The following IL5RA variants were observed in gnomAD, a reference collection of about 807,000 sequenced individuals.
IL5RA encodes the protein interleukin 5 receptor subunit alpha.
In IL5RA, 49 loss-of-function variants were observed where a neutral mutation model predicts 50.0. The ratio of observed to expected loss-of-function variants is 0.98; its 90% confidence interval spans 0.78 to 1.24. The LOEUF (loss-of-function observed/expected upper bound fraction) is 1.24. Ranked by LOEUF, IL5RA falls within the 50% of genes most tolerant of loss-of-function variation. IL5RA has a pLI of 0.00. For synonymous variants in IL5RA, 202 were observed against 174.0 expected (o/e 1.16, Z -1.26); for missense variants, 600 against 500.4 (o/e 1.20, Z -1.90).
rs536054106 is a variant in IL5RA, at chr3:3,076,067, C to T, written c.1091+464G>A. Reference sequence around the variant, plus strand: ...AGATCCACATGCGATTTCTAGAATCCGTGTTTGACCTAATAACCATCAGCC... The same window carrying T: ...AGATCCACATGCGATTTCTAGAATCTGTGTTTGACCTAATAACCATCAGCC... On this transcript the variant is annotated intron_variant, in intron 10 of 11. Coordinates refer to ENST00000446632, the MANE Select transcript of IL5RA (RefSeq NM_175726.4). 2.8e-4 allele frequency among the ~76,000 whole-genome samples: 43 copies of T among 152,192 alleles called. 2 individuals are homozygous for T. In the South Asian group the frequency reaches 8.7e-3, roughly 31 times the overall value.
At position 3,105,628 on chromosome 3, in the gene IL5RA, C is replaced by CT. The variant is rs576898796; in HGVS notation, c.-3-642_-3-641insA. 63 of 139,878 alleles carry CT rather than the reference C, an allele frequency of 4.5e-4. 1 individual carries two copies. Among genetic ancestry groups the CT allele is most frequent in the African/African-American group, 1.6e-3 (61 of 37,330 alleles). The allele number at this position is 139,878 out of a possible 1,614,324, so 8.7% of individuals were successfully genotyped here. ...TTGTTTGTTGATTTGTTTTGTTCCC[C>CT]CCCCCACCCCGCAAAGGGAGCGGAT... On this transcript the variant is annotated intron_variant, in intron 2 of 11. Coordinates refer to ENST00000446632, the MANE Select transcript of IL5RA (RefSeq NM_175726.4).
intron 5 of IL5RA, among the ~76,000 whole-genome samples, chr3:3,099,949 C>T (rs765840703): frequency 3.3e-5 from 5 of 152,154 alleles, no homozygotes; most frequent in Non-Finnish European, 2.9e-5. Context: ...GGATTACAGG[C>T]GTGAGCGACC....
In IL5RA at chr3:3,069,868, G is replaced by T. The variant is rs1702239431; in HGVS notation, c.*357C>A. 5.5e-6 allele frequency: 1 copy of T among 181,604 alleles called. No homozygotes were observed. The highest frequency in any genetic ancestry group is 2.4e-5 in the African/African-American group (1 of 42,486). 11.2% of individuals were successfully genotyped at this position (181,604 alleles called of 1,614,324 possible). A position where few individuals can be genotyped will look rare whatever the true frequency, so the allele number is the denominator to read the frequency against. On this transcript the variant is annotated 3_prime_UTR_variant, in exon 12 of 12. Transcript: ENST00000446632. ...AACAGCCAAACGGGCACAGCCAGAA[G>T]TAAATACAGCTGGACGTTAGCCTTA... is the stretch of plus-strand genomic sequence containing the variant.
chr3:3,088,388 G>A (rs994249901), intron 9 of IL5RA, among the ~76,000 whole-genome samples: 16 of 152,124 alleles, frequency 1.1e-4, no homozygotes, highest in African/African-American at 2.7e-4. Context: ...TGTCATGCTC[G>A]TCACCACTCT....
intron 2 of IL5RA, among the ~76,000 whole-genome samples, chr3:3,106,767 C>A (rs1310504264): frequency 6.6e-6 from 1 of 152,202 alleles, no homozygotes; most frequent in South Asian, 2.1e-4. Context: ...GTCAGCATTT[C>A]CTGAAATAAT....
intron 8 of IL5RA, among the ~76,000 whole-genome samples, chr3:3,093,184 A>G (rs1396889920): frequency 1.3e-5 from 2 of 152,134 alleles, no homozygotes; most frequent in Non-Finnish European, 2.9e-5. Flanking sequence ...GAGAAATCAC[A>G]ATGTCAGATA....
intron 9 of IL5RA, among the ~76,000 whole-genome samples, chr3:3,082,933 G>T (rs1702719033): frequency 6.6e-6 from 1 of 152,210 alleles, no homozygotes; most frequent in African/African-American, 2.4e-5. Context: ...CTCAACAATA[G>T]GTTTCCAGGG....
Position 3,109,675 on chromosome 3 carries a change from A to C in IL5RA, c.-146+270T>G, listed in dbSNP as rs574496383. 3.9e-4 allele frequency among the ~76,000 whole-genome samples: 60 copies of C among 152,292 alleles called. 2 individuals carry two copies. In the Middle Eastern group the frequency reaches 0.014, roughly 35 times the overall value. On this transcript the variant is annotated intron_variant, in intron 1 of 11. Transcript: ENST00000446632. ...TACCCAGAATCAACATGACCTGCCTAATGATGCAAGTTTAATGGGACCATT... is the reference window on the plus strand; with the variant it reads ...TACCCAGAATCAACATGACCTGCCTCATGATGCAAGTTTAATGGGACCATT...
chr3:3,074,148 A>C (rs559617278), intron 11 of IL5RA, among the ~76,000 whole-genome samples: 1 of 152,344 alleles, frequency 6.6e-6, no homozygotes, highest in East Asian at 1.9e-4. Flanking sequence ...GGCCTAAGAA[A>C]ATGCATATTG....
chr3:3,095,521 A>C, intron 7 of IL5RA, 77 bp from the exon 8 acceptor site: 1 of 1,162,198 alleles, frequency 8.6e-7, no homozygotes, highest in Non-Finnish European at 1.3e-6. Flanking sequence ...ATCCACCCAC[A>C]CTTCTCAAGG....
chr3:3,081,666 C>G (rs1178189660), intron 9 of IL5RA, among the ~76,000 whole-genome samples: 2 of 152,222 alleles, frequency 1.3e-5, no homozygotes, highest in Non-Finnish European at 2.9e-5. Flanking sequence ...TTCAGTTAAA[C>G]CACTCTCAAG....
chr3:3,081,146 C>G (rs183570832), intron 9 of IL5RA, among the ~76,000 whole-genome samples: 1 of 152,154 alleles, frequency 6.6e-6, no homozygotes, highest in Non-Finnish European at 1.5e-5. Context: ...TACAGATCCT[C>G]GATGGTTCCA....
intron 7 of IL5RA, among the ~76,000 whole-genome samples, chr3:3,096,549 T>A (rs1472291817): frequency 6.6e-6 from 1 of 152,162 alleles, no homozygotes; most frequent in Non-Finnish European, 1.5e-5. Context: ...AGTACTTATT[T>A]ATTTTAGTAA....
intron 7 of IL5RA, among the ~76,000 whole-genome samples, chr3:3,096,005 G>T (rs1195946487): frequency 6.6e-6 from 1 of 152,192 alleles, no homozygotes; most frequent in Admixed American, 6.5e-5. Flanking sequence ...GGGGCAGGGC[G>T]TGGGGGCTCA....
chr3:3,074,942 A>G, intron 10 of IL5RA, 76 bp from the exon 11 acceptor site: 1 of 901,422 alleles, frequency 1.1e-6, no homozygotes, highest in South Asian at 1.5e-5. Context: ...CTAAAAATTG[A>G]CCTGGTTGAT....
At chr3:3,071,599 T>A (rs868503145) in intron 11 of IL5RA, among the ~76,000 whole-genome samples, 122 of 107,834 alleles carry the variant, frequency 1.1e-3, no homozygotes, top group African/African-American at 4.5e-3. Flanking sequence ...GTGTGTGTAT[T>A]TTTTTTTTTT....
intron 2 of IL5RA, among the ~76,000 whole-genome samples, chr3:3,106,436 G>A (rs576443638): frequency 5.3e-5 from 8 of 152,048 alleles, no homozygotes; most frequent in South Asian, 2.1e-4. Flanking sequence ...GGAAAGGATC[G>A]GCATATAAAT....
chr3:3,071,240 C>G (rs1702286709), intron 11 of IL5RA, among the ~76,000 whole-genome samples: 1 of 152,194 alleles, frequency 6.6e-6, no homozygotes, highest in Non-Finnish European at 1.5e-5. Flanking sequence ...ATCCATTTTA[C>G]TGTTAATAGT....
intron 9 of IL5RA, among the ~76,000 whole-genome samples, chr3:3,077,064 T>G (rs1702511169): frequency 6.6e-6 from 1 of 152,218 alleles, no homozygotes; most frequent in Admixed American, 6.5e-5. Flanking sequence ...AATTAAACTT[T>G]TGGAGGAAGT....
Sources: allele counts gnomAD v4.1 joint callset (sites outside exome capture counted in the v4.1 genomes callset), GRCh38; gene constraint gnomAD v4.1.1; transcripts MANE v1.5; gene names NCBI Gene and HGNC (gene_info 2026-07-23, HGNC 2026-07-21).